The following BMPR1B variants were observed in gnomAD, a reference collection of about 807,000 sequenced individuals.
BMPR1B encodes bone morphogenetic protein receptor type-1B.
A neutral mutation model predicts 59.1 loss-of-function variants in BMPR1B; 12 were observed. That is an observed-to-expected ratio of 0.20 (90% CI 0.13 to 0.33). BMPR1B has a LOEUF of 0.33. BMPR1B is among the 10% of genes least tolerant of loss of function. BMPR1B has a pLI of 1.00. For synonymous variants in BMPR1B, 237 were observed against 207.3 expected (o/e 1.14, Z -1.23); for missense variants, 550 against 610.9 (o/e 0.90, Z 1.05).
chr4:94,788,559 G>A (rs942347182), intron 1 of BMPR1B, among the ~76,000 whole-genome samples: 5 of 152,196 alleles, frequency 3.3e-5, no homozygotes, highest in African/African-American at 7.2e-5. Flanking sequence ...GGAATCTGAC[G>A]TAGGAGGTGC....
chr4:94,956,157 G>C (rs750803838), intron 2 of BMPR1B, among the ~76,000 whole-genome samples: 3 of 152,088 alleles, frequency 2.0e-5, no homozygotes, highest in Non-Finnish European at 4.4e-5. Context: ...AACATGCCTT[G>C]TAATTTCTTT....
intron 1 of BMPR1B, among the ~76,000 whole-genome samples, chr4:94,776,678 T>G (rs896674392): frequency 4.6e-5 from 7 of 152,212 alleles, no homozygotes; most frequent in African/African-American, 1.7e-4. Flanking sequence ...AAACTGTGCT[T>G]ATTAAAATGG....
At chr4:94,983,623 A>T (rs1190505280) in intron 2 of BMPR1B, among the ~76,000 whole-genome samples, 1 of 152,148 alleles carries the variant, frequency 6.6e-6, no homozygotes, top group Non-Finnish European at 1.5e-5. Context: ...TGTTACCACC[A>T]CTTAAGGCCC....
At chr4:95,089,242 A>G (rs1278075497) in intron 3 of BMPR1B, among the ~76,000 whole-genome samples, 1 of 152,194 alleles carries the variant, frequency 6.6e-6, no homozygotes, top group Non-Finnish European at 1.5e-5. Context: ...CTTAAAATAC[A>G]GAAATATCTG....
chr4:94,804,352 C>T (rs1201250357), intron 1 of BMPR1B, among the ~76,000 whole-genome samples: 3 of 152,044 alleles, frequency 2.0e-5, no homozygotes, highest in Non-Finnish European at 4.4e-5. Flanking sequence ...ACAACAAATA[C>T]TTGTTTATTA....
intron 1 of BMPR1B, among the ~76,000 whole-genome samples, chr4:94,826,425 CTTTG>C (rs1724384860): frequency 6.6e-6 from 1 of 152,188 alleles, no homozygotes; most frequent in African/African-American, 2.4e-5. Context: ...TTCCTGCTCC[CTTTG>C]TTCTCTTTTG....
intron 8 of BMPR1B, 92 bp from the exon 9 acceptor site, chr4:95,129,770 C>T: frequency 8.2e-7 from 1 of 1,223,762 alleles, no homozygotes; most frequent in Non-Finnish European, 1.2e-6. Flanking sequence ...ATATATTTTA[C>T]ATGCAGTAAT....
chr4:95,132,826 C>T (rs1203563364), intron 10 of BMPR1B, among the ~76,000 whole-genome samples: 1 of 152,178 alleles, frequency 6.6e-6, no homozygotes, highest in Non-Finnish European at 1.5e-5. Context: ...TTGGACACTG[C>T]TGTATTCAGA....
At chr4:95,042,612 A>T (rs1025516500) in intron 3 of BMPR1B, among the ~76,000 whole-genome samples, 13 of 152,194 alleles carry the variant, frequency 8.5e-5, no homozygotes, top group Non-Finnish European at 1.5e-5. Flanking sequence ...TAAATAAGGG[A>T]TGCTTAAACC....
chr4:94,923,239 C>T (rs918800485), intron 2 of BMPR1B, among the ~76,000 whole-genome samples: 1 of 152,030 alleles, frequency 6.6e-6, no homozygotes, highest in East Asian at 1.9e-4. Flanking sequence ...TTTTAACATG[C>T]TACCTCCTTT....
chr4:95,017,336 C>T (rs1408323102), intron 3 of BMPR1B, among the ~76,000 whole-genome samples: 3 of 152,196 alleles, frequency 2.0e-5, no homozygotes, highest in African/African-American at 4.8e-5. Context: ...GAAAGGTTAT[C>T]TGACTTTGAT....
chr4:94,778,004 C>T (rs1032028567), intron 1 of BMPR1B, among the ~76,000 whole-genome samples: 3 of 149,700 alleles, frequency 2.0e-5, no homozygotes, highest in Non-Finnish European at 3.0e-5. Context: ...CCAGCCTGGG[C>T]GACAAGAGCA....
At chr4:94,897,727 T>TA (rs1727639258) in intron 2 of BMPR1B, among the ~76,000 whole-genome samples, 1 of 151,968 alleles carries the variant, frequency 6.6e-6, no homozygotes, top group African/African-American at 2.4e-5. Context: ...CAAGAAGACA[T>TA]ACTGTGGCTT....
intron 2 of BMPR1B, among the ~76,000 whole-genome samples, chr4:94,987,272 C>A (rs1352924673): frequency 7.0e-6 from 1 of 142,884 alleles, no homozygotes; most frequent in African/African-American, 2.6e-5. Context: ...ATTATATATA[C>A]ATATATAAAA....
chr4:94,869,918 C>G (rs533899419), intron 1 of BMPR1B, among the ~76,000 whole-genome samples: 1 of 152,116 alleles, frequency 6.6e-6, no homozygotes, highest in Non-Finnish European at 1.5e-5. Flanking sequence ...CACAGCATAA[C>G]AAGTATCTTT....
chr4:94,926,939 CA>C (rs1382346081), intron 2 of BMPR1B, among the ~76,000 whole-genome samples: 2 of 152,002 alleles, frequency 1.3e-5, no homozygotes, highest in African/African-American at 4.8e-5. Flanking sequence ...TTGGTAGAAT[CA>C]AAAGAGTTAT....
At chr4:95,100,301 C>T (rs990094661) in intron 3 of BMPR1B, among the ~76,000 whole-genome samples, 2 of 151,836 alleles carry the variant, frequency 1.3e-5, no homozygotes, top group African/African-American at 4.8e-5. Context: ...TGCTTTTTTT[C>T]CCCTGCCCTC....
chr4:94,802,416 C>T (rs1330416170), intron 1 of BMPR1B, among the ~76,000 whole-genome samples: 1 of 152,038 alleles, frequency 6.6e-6, no homozygotes, highest in African/African-American at 2.4e-5. Flanking sequence ...TTTGTCATCC[C>T]AGGAGTCCAG....
chr4:95,071,861 C>T (rs1579029852), intron 3 of BMPR1B, among the ~76,000 whole-genome samples: 1 of 151,778 alleles, frequency 6.6e-6, no homozygotes, highest in East Asian at 1.9e-4. Context: ...TATTTAGTGA[C>T]ACTTTGTTAA....
Sources: gnomAD v4.1 joint callset for allele counts (sites outside exome capture counted in the v4.1 genomes callset) on GRCh38, gnomAD v4.1.1 for gene constraint, MANE v1.5 for transcripts, NCBI Gene and HGNC (gene_info 2026-07-23, HGNC 2026-07-21) for gene names.